BRD9: variants seen among roughly 807,000 people sequenced by gnomAD.
BRD9 encodes bromodomain-containing protein 9.
BRD9 carries 47 observed loss-of-function variants against 68.7 expected under a neutral mutation model. The ratio of observed to expected loss-of-function variants is 0.68; its 90% CI spans 0.54 to 0.87. BRD9 has a LOEUF of 0.87. BRD9 is among the 40% of genes least tolerant of loss of function. The pLI is 0.00. For missense variants in BRD9, 670 were observed against 748.4 expected, an observed-to-expected ratio of 0.90 and a Z score of 1.22; for synonymous variants, 313 against 293.9, an observed-to-expected ratio of 1.06 and a Z score of -0.67.
chr5:889,513 T>C (rs1753036451), intron 4 of BRD9, 74 bp downstream of exon 4: 1 of 1,508,620 alleles, frequency 6.6e-7, no homozygotes, highest in South Asian at 1.2e-5. Context: ...GAGGCTGGCG[T>C]GGGGAATAAG....
intron 15 of BRD9, among the ~76,000 whole-genome samples, chr5:864,890 C>T (rs1011786167): frequency 6.6e-6 from 1 of 152,196 alleles, no homozygotes; most frequent in African/African-American, 2.4e-5. Context: ...CTTTGACCTA[C>T]GGCCCTCCAA....
chr5:882,114 G>C (rs1474254629), intron 8 of BRD9: 2 of 153,020 alleles, frequency 1.3e-5, no homozygotes, highest in Non-Finnish European at 2.9e-5. Flanking sequence ...CAGAACCCAG[G>C]TCCTGGCTTC....
At chr5:889,950 G>T (rs1433789429) in intron 3 of BRD9, 3 of 381,172 alleles carry the variant, frequency 7.9e-6, no homozygotes, top group South Asian at 6.1e-5. Context: ...GACAAGAAAT[G>T]GACGACGGAA....
chr5:887,526 A>G, intron 5 of BRD9, 55 bp from the exon 6 acceptor site: 1 of 1,369,886 alleles, frequency 7.3e-7, no homozygotes, highest in Non-Finnish European at 1.0e-6. Context: ...GACAACAGCA[A>G]AGCTCTAGAT....
intron 1 of BRD9, 156 bp downstream of exon 1, chr5:892,450 T>C: frequency 7.1e-7 from 1 of 1,409,260 alleles, no homozygotes; most frequent in Non-Finnish European, 9.2e-7. Context: ...CCCGGTTCCC[T>C]GCCCGAAATC....
rs1752612621 is a variant in BRD9 at position 886,658 on chromosome 5, G to C, written c.767C>G (p.Pro256Arg). The C allele has an allele frequency of 6.2e-7, 1 of 1,614,032 alleles. No individual in the cohort carries two copies. The highest frequency in any genetic ancestry group is 1.3e-5 in the African/African-American group (1 of 74,914). Residue 256 changes from proline to arginine, a missense_variant, in exon 7 of 16, where the codon CCT (proline) becomes CGT (arginine). Pro to Arg is a moderately radical substitution (Grantham distance 103). Transcript: ENST00000467963. ...TTCTACTTGTACTGGTACAACTTCAGGGACAGGTTCCTCAACAGCTGTATC... is the reference window on the plus strand; with the variant it reads ...TTCTACTTGTACTGGTACAACTTCACGGACAGGTTCCTCAACAGCTGTATC... ...NEDTAVEEPV[P>R]EVVPVQVETA...
chr5:884,977 A>G (rs1467321221), intron 7 of BRD9, among the ~76,000 whole-genome samples: 1 of 152,378 alleles, frequency 6.6e-6, no homozygotes, highest in Non-Finnish European at 1.5e-5. Flanking sequence ...CCCACAGGCA[A>G]GGGTGAAGCT....
chr5:892,683 C>CG lies in BRD9; in HGVS notation c.-27dup. On this transcript the variant is annotated 5_prime_UTR_variant, in exon 1 of 16. Transcript: ENST00000467963. ...GGCGGCGCCGGCGGCGGGCCCGAGG[C>CG]GGGGGCTGGGAACAGCTGGCACCCG... The CG allele has an allele frequency of 7.2e-7, 1 of 1,395,876 alleles. No individual in the cohort carries two copies. The highest frequency in any genetic ancestry group is 9.3e-7 in the Non-Finnish European group (1 of 1,073,892). 86.5% of individuals were successfully genotyped at this position (1,395,876 alleles called of 1,614,324 possible).
intron 3 of BRD9, among the ~76,000 whole-genome samples, chr5:890,283 G>C (rs1485944066): frequency 1.3e-5 from 2 of 152,154 alleles, no homozygotes; most frequent in East Asian, 1.9e-4. Flanking sequence ...TCCTTCAGTG[G>C]AGCCAGCAGG....
At chr5:883,368 T>C (rs542425928) in intron 8 of BRD9, 19 of 456,916 alleles carry the variant, frequency 4.2e-5, no homozygotes, top group Middle Eastern at 6.5e-4. Context: ...GCTCTACTTC[T>C]CTTATCAGGG....
intron 7 of BRD9, among the ~76,000 whole-genome samples, chr5:885,593 C>A (rs78338639): frequency 0.091 from 13,792 of 152,292 alleles, 924 homozygotes; most frequent in East Asian, 0.19. Context: ...AGAAACCATC[C>A]TTCAAATCTG....
intron 2 of BRD9, 97 bp downstream of exon 2, chr5:891,543 C>T (rs1018963239): frequency 3.4e-6 from 5 of 1,483,120 alleles, no homozygotes; most frequent in Non-Finnish European, 8.9e-7. Flanking sequence ...CCCTCCCCTC[C>T]TCCAGCCACG....
In BRD9 at chr5:887,020, C is replaced by G. The variant is rs113273439; in HGVS notation, c.718-313G>C. On this transcript the variant is annotated intron_variant, in intron 6 of 15. Coordinates refer to ENST00000467963, the MANE Select transcript of BRD9 (RefSeq NM_023924.5). ...CACGGCACAGATCTGGGAAGCCACT[C>G]AGGATGGCCAAGGAAGACAAGGATG... is the stretch of plus-strand genomic sequence containing the variant. 4.3e-5 allele frequency: 21 copies of G among 490,794 alleles called. No individual in the cohort carries two copies. Among genetic ancestry groups the G allele is most frequent in the Admixed American group, 3.3e-4 (9 of 27,538 alleles). The allele number at this position is 490,794 out of a possible 1,614,324, so 30.4% of individuals were successfully genotyped here.
intron 14 of BRD9, 124 bp downstream of exon 14, chr5:870,349 C>T (rs542217145): frequency 5.7e-5 from 42 of 732,688 alleles, no homozygotes; most frequent in Non-Finnish European, 8.5e-5. Flanking sequence ...GACCAAATAC[C>T]GTAACAAAAG....
rs1753664466 is a variant in BRD9, at chr5:892,785, T to G, written c.-128A>C. 1 of 1,073,302 alleles carries G rather than the reference T, an allele frequency of 9.3e-7. No individual in the cohort carries two copies. Among genetic ancestry groups the G allele is most frequent in the Non-Finnish European group, 1.2e-6 (1 of 847,330 alleles). The allele number at this position is 1,073,302 out of a possible 1,614,324, so 66.5% of individuals were successfully genotyped here. On this transcript the variant is annotated 5_prime_UTR_variant, in exon 1 of 16. Coordinates refer to ENST00000467963, the MANE Select transcript of BRD9 (RefSeq NM_023924.5). ...GCTGCGCCGAGGTTGCCGAGCTCGC[T>G]GGGCCGCGCCGGAAACGGGGCGAGG...
In BRD9 at chr5:884,007, C is replaced by T; in HGVS notation, c.897G>A (p.Val299=). ...CAGCTGCGTGCTCCACCAGCGCCAG[C>T]ACGTGCTCCTCTGCGGTACTGTCCG... is the stretch of plus-strand genomic sequence containing the variant. ...SLTDSTAEEH[V]LALVEHAADE... Residue 299 remains valine (V), a synonymous_variant, in exon 8 of 16, where the codon GTG becomes GTA. Transcript: ENST00000467963. 1 of 1,613,914 alleles carries T rather than the reference C, an allele frequency of 6.2e-7. No individual in the cohort carries two copies. Among genetic ancestry groups the T allele is most frequent in the Non-Finnish European group, 8.5e-7 (1 of 1,180,042 alleles).
intron 8 of BRD9, 121 bp downstream of exon 8, chr5:883,817 C>A: frequency 7.2e-7 from 1 of 1,393,116 alleles, no homozygotes; most frequent in Admixed American, 2.1e-5. Context: ...CCGTCAGGGC[C>A]CCACGCTGAC....
At position 886,503 on chromosome 5, in the gene BRD9, C is replaced by T. The variant is rs985765049; in HGVS notation, c.833+89G>A. The T allele has an allele frequency of 2.0e-5, 24 of 1,190,892 alleles. No homozygotes were observed. The East Asian group carries it at 5.0e-4, about 25-fold the overall frequency. The allele number at this position is 1,190,892 out of a possible 1,614,324, so 73.8% of individuals were successfully genotyped here. ...CTATGTGACATGACATCCGTTCTCTCACTCACTCACTCTCCCCTACAAGGC... is the reference window on the plus strand; with the variant it reads ...CTATGTGACATGACATCCGTTCTCTTACTCACTCACTCTCCCCTACAAGGC... On this transcript the variant is annotated intron_variant, in intron 7 of 15. Transcript: ENST00000467963.
Position 864,299 on chromosome 5 carries a change from G to T in BRD9, c.*169C>A, listed in dbSNP as rs1040251255. The T allele has an allele frequency of 5.5e-5, 30 of 541,424 alleles. No homozygotes were observed. The highest frequency in any genetic ancestry group is 9.8e-5 in the Non-Finnish European group (30 of 307,056). 33.5% of individuals were successfully genotyped at this position (541,424 alleles called of 1,614,324 possible). ...TGACTCCACTCCTCAGGGTTCGTGGGGCTTGGAGACTCTGCTGACATGATA... is the reference window on the plus strand; with the variant it reads ...TGACTCCACTCCTCAGGGTTCGTGGTGCTTGGAGACTCTGCTGACATGATA... On this transcript the variant is annotated 3_prime_UTR_variant, in exon 16 of 16. Transcript: ENST00000467963.
Sources: gnomAD v4.1 joint callset for allele counts (sites outside exome capture counted in the v4.1 genomes callset) on GRCh38, gnomAD v4.1.1 for gene constraint, MANE v1.5 for transcripts, NCBI Gene and HGNC (gene_info 2026-07-23, HGNC 2026-07-21) for gene names.